Variants in GPC6 observed in about 807,000 individuals in gnomAD.
The protein encoded by GPC6 is glypican 6.
Under a neutral mutation model 55.2 loss-of-function variants are expected in GPC6, and 14 were observed. The observed-to-expected ratio is 0.25, with a 90% CI of 0.17 to 0.40. GPC6 has a LOEUF of 0.40. Ranked by LOEUF, GPC6 falls within the 10% of genes least tolerant of loss-of-function variation. The pLI, the probability that GPC6 is intolerant of heterozygous loss-of-function variation, is 1.00. For synonymous variants in GPC6, 278 were observed against 259.6 expected, an observed-to-expected ratio of 1.07 and a Z score of -0.68; for missense variants, 641 against 708.5, an observed-to-expected ratio of 0.90 and a Z score of 1.08.
chr13:94,136,059 T>A (rs1593972125), intron 4 of GPC6, among the ~76,000 whole-genome samples: 1 of 152,170 alleles, frequency 6.6e-6, no homozygotes, highest in Non-Finnish European at 1.5e-5. Flanking sequence ...GTAACCAAAT[T>A]GTATTGTCAT....
intron 4 of GPC6, among the ~76,000 whole-genome samples, chr13:94,188,278 C>A (rs1889268145): frequency 6.6e-6 from 1 of 152,128 alleles, no homozygotes; most frequent in Non-Finnish European, 1.5e-5. Context: ...GAGGAAGGCC[C>A]AAGCACTTTC....
chr13:93,393,123 TATATAGAGAGAGAG>T (rs1429244418), intron 1 of GPC6, among the ~76,000 whole-genome samples: 5 of 94,670 alleles, frequency 5.3e-5, no homozygotes, highest in South Asian at 3.8e-4. Context: ...TATATATATA[TATATAGAGAGAGAG>T]AGAGAGAGAG....
intron 1 of GPC6, among the ~76,000 whole-genome samples, chr13:93,530,079 G>A (rs1594239964): frequency 6.6e-6 from 1 of 152,178 alleles, no homozygotes; most frequent in African/African-American, 2.4e-5. Flanking sequence ...ACTAGTTTGG[G>A]GTGTAATAGC....
chr13:94,230,543 C>G (rs2139012532), intron 4 of GPC6, among the ~76,000 whole-genome samples: 1 of 152,220 alleles, frequency 6.6e-6, no homozygotes, highest in East Asian at 1.9e-4. Flanking sequence ...CAAGTGATAC[C>G]TGGACCATCA....
At chr13:93,751,250 C>T (rs1247112644) in intron 2 of GPC6, among the ~76,000 whole-genome samples, 1 of 152,076 alleles carries the variant, frequency 6.6e-6, no homozygotes, top group Non-Finnish European at 1.5e-5. Flanking sequence ...CAGGTTTTCT[C>T]CTCCTGAAAT....
intron 2 of GPC6, among the ~76,000 whole-genome samples, chr13:93,701,972 T>A (rs1882684846): frequency 6.6e-6 from 1 of 152,048 alleles, no homozygotes; most frequent in African/African-American, 2.4e-5. Flanking sequence ...AACCTGCTGT[T>A]AATGTTGATA....
chr13:93,649,387 T>A (rs1484817109), intron 2 of GPC6, among the ~76,000 whole-genome samples: 2 of 152,178 alleles, frequency 1.3e-5, no homozygotes, highest in African/African-American at 4.8e-5. Flanking sequence ...AGGACATAGA[T>A]GCTGCAATAA....
At chr13:93,969,113 A>G (rs1880174568) in intron 3 of GPC6, among the ~76,000 whole-genome samples, 1 of 152,186 alleles carries the variant, frequency 6.6e-6, no homozygotes, top group Non-Finnish European at 1.5e-5. Flanking sequence ...GAGATAATAA[A>G]AATGTGATAC....
At chr13:93,675,392 GCACAAATATATATTTATACATCCTC>G in intron 2 of GPC6, among the ~76,000 whole-genome samples, 1 of 151,592 alleles carries the variant, frequency 6.6e-6, no homozygotes, top group East Asian at 1.9e-4. Context: ...AGATTCAGAG[GCACAAATATATATTTATACATCCTC>G]CACACATGTA....
At position 93,847,850 on chromosome 13, in the gene GPC6, C is replaced by T. The variant is rs1312550679; in HGVS notation, c.711+17305C>T. On this transcript the variant is annotated intron_variant, in intron 3 of 8. Transcript: ENST00000377047. The stretch of plus-strand genomic sequence containing the variant: ...GAAGTATATGCCTCTGTGGCTGCAA[C>T]CATGTTCTGAATACACACAACTTTC... Among the ~76,000 whole-genome samples the T allele has an allele frequency of 1.3e-5, 2 of 152,164 alleles. 1 individual carries two copies. Among genetic ancestry groups the T allele is most frequent in the Admixed American group, 1.3e-4 (2 of 15,258 alleles).
At chr13:93,755,105 CAA>C (rs1884725142) in intron 2 of GPC6, among the ~76,000 whole-genome samples, 3 of 152,144 alleles carry the variant, frequency 2.0e-5, no homozygotes, top group Non-Finnish European at 2.9e-5. Context: ...TGCATTGTGT[CAA>C]TCAACAGTTT....
chr13:93,959,323 C>T (rs1029191382), intron 3 of GPC6, among the ~76,000 whole-genome samples: 6 of 151,974 alleles, frequency 3.9e-5, no homozygotes, highest in Admixed American at 1.3e-4. Flanking sequence ...CCACCACACC[C>T]GGCTAATTTT....
chr13:94,092,700 C>T (rs1397108906), intron 4 of GPC6, among the ~76,000 whole-genome samples: 1 of 152,088 alleles, frequency 6.6e-6, no homozygotes, highest in Non-Finnish European at 1.5e-5. Flanking sequence ...TTTGGGGAAC[C>T]TCCACACTGT....
rs543431192 is a variant in GPC6, at chr13:93,661,445, C to T, written c.319+116024C>T. Among the ~76,000 whole-genome samples, 204 of 152,222 alleles carry T rather than the reference C, an allele frequency of 1.3e-3. 1 individual carries two copies. Among genetic ancestry groups the T allele is most frequent in the African/African-American group, 4.8e-3 (198 of 41,540 alleles). On this transcript the variant is annotated intron_variant, in intron 2 of 8. Coordinates refer to ENST00000377047, the MANE Select transcript of GPC6 (RefSeq NM_005708.5). ...GCCAGGCTGGTCTTGAATCCCTGAC[C>T]TCAAGTGATCCACCTCCCAAAGTGC...
chr13:93,227,604 C>A lies in GPC6; in HGVS notation c.148C>A (p.Gln50Lys). ...KGFSLADIPY[Q>K]EIAGEHLRIC... ...ATTCAGCCTGGCGGACATCCCCTAC[C>A]AGGAGATCGCAGGTAAGCGCGGGCG... Residue 50 changes from glutamine to lysine, a missense_variant, in exon 1 of 9, where the codon CAG (glutamine) becomes AAG (lysine). Coordinates refer to ENST00000377047, the MANE Select transcript of GPC6 (RefSeq NM_005708.5). The surrounding 1 kb of genome is among the most constrained non-coding windows in gnomAD (Gnocchi z 4.3). 6.2e-7 allele frequency: 1 copy of A among 1,604,702 alleles called. No homozygotes were observed. The highest frequency in any genetic ancestry group is 8.5e-7 in the Non-Finnish European group (1 of 1,177,434).
intron 2 of GPC6, among the ~76,000 whole-genome samples, chr13:93,698,635 C>A (rs1406545581): frequency 1.3e-5 from 2 of 151,564 alleles, no homozygotes; most frequent in African/African-American, 4.8e-5. Context: ...CTGAATTGAT[C>A]ATCTATTCTT....
chr13:94,037,650 A>G (rs1883385129), intron 4 of GPC6, among the ~76,000 whole-genome samples: 1 of 151,990 alleles, frequency 6.6e-6, no homozygotes, highest in South Asian at 2.1e-4. Context: ...AGAGAATTTC[A>G]GTGACCTGTT....
At chr13:94,139,452 A>C (rs1430189237) in intron 4 of GPC6, among the ~76,000 whole-genome samples, 1 of 152,202 alleles carries the variant, frequency 6.6e-6, no homozygotes, top group East Asian at 1.9e-4. Context: ...CTAAATAAAT[A>C]TCTCCAGATT....
chr13:93,823,105 C>T (rs996696122), intron 2 of GPC6, among the ~76,000 whole-genome samples: 7 of 151,988 alleles, frequency 4.6e-5, no homozygotes, highest in Non-Finnish European at 8.8e-5. Flanking sequence ...CCTCATGATC[C>T]GCCTGCCATG....
Sources: allele counts gnomAD v4.1 joint callset (sites outside exome capture counted in the v4.1 genomes callset), GRCh38; gene constraint gnomAD v4.1.1; non-coding constraint Gnocchi (gnomAD v3.1); transcripts MANE v1.5; gene names NCBI Gene and HGNC (gene_info 2026-07-23, HGNC 2026-07-21).